NUP210L: variants seen among roughly 807,000 people sequenced by gnomAD.
NUP210L encodes the protein nucleoporin 210 like.
A neutral mutation model predicts 208.5 loss-of-function variants in NUP210L; 74 were observed. That is an observed-to-expected ratio of 0.35 (90% CI 0.29 to 0.43). NUP210L has a LOEUF of 0.43. NUP210L is among the 20% of genes least tolerant of loss of function. The probability of loss-of-function intolerance (pLI) is 1.00; values close to 1 mark genes in which losing one functional copy is unlikely to be tolerated. For synonymous variants in NUP210L, 780 were observed against 816.9 expected (o/e 0.95, Z 0.77); for missense variants, 1,843 against 2,289.4 (o/e 0.81, Z 3.98).
intron 7 of NUP210L, among the ~76,000 whole-genome samples, chr1:154,133,588 C>T (rs1268794031): frequency 1.3e-5 from 2 of 151,718 alleles, no homozygotes; most frequent in African/African-American, 4.8e-5. Flanking sequence ...GCCTGGAATC[C>T]TAGCACTTTG....
chr1:154,127,220 G>A, intron 9 of NUP210L, 91 bp downstream of exon 9: 1 of 491,254 alleles, frequency 2.0e-6, no homozygotes, highest in Non-Finnish European at 3.6e-6. Context: ...AAGAAAGAAA[G>A]AGGGCTTTCT....
At chr1:153,997,140 T>C (rs909186751) in intron 37 of NUP210L, among the ~76,000 whole-genome samples, 2 of 151,912 alleles carry the variant, frequency 1.3e-5, no homozygotes, top group African/African-American at 4.8e-5. Context: ...ATTTTTGTAT[T>C]TTTAGTAGAG....
intron 25 of NUP210L, among the ~76,000 whole-genome samples, chr1:154,049,856 C>T (rs1653389163): frequency 6.6e-6 from 1 of 152,122 alleles, no homozygotes; most frequent in Non-Finnish European, 1.5e-5. Context: ...TTTGCATTTA[C>T]AATTCCTGCA....
intron 7 of NUP210L, among the ~76,000 whole-genome samples, chr1:154,131,184 A>G (rs1273788326): frequency 6.6e-6 from 1 of 151,410 alleles, no homozygotes; most frequent in Non-Finnish European, 1.5e-5. Flanking sequence ...AGGCAGGAGA[A>G]TGGCGTGAAC....
intron 7 of NUP210L, among the ~76,000 whole-genome samples, chr1:154,134,053 G>A (rs976126861): frequency 4.0e-5 from 6 of 151,516 alleles, no homozygotes; most frequent in Non-Finnish European, 7.4e-5. Flanking sequence ...AGGAGGCCGA[G>A]GCAGGAGAAT....
At chr1:154,000,822 C>T (rs1159970892) in intron 37 of NUP210L, 34 bp downstream of exon 37, 4 of 1,571,066 alleles carry the variant, frequency 2.5e-6, no homozygotes, top group South Asian at 2.2e-5. Flanking sequence ...TTCTTTTCCT[C>T]TCTAGATTAT....
At position 154,126,566 on chromosome 1, in the gene NUP210L, A is replaced by G. The variant is rs1377935865; in HGVS notation, c.1186-103T>C. On this transcript the variant is annotated intron_variant, in intron 9 of 39. Coordinates refer to ENST00000368559, the Ensembl canonical transcript of NUP210L. ...TAAAACTGTAGCTATGCATTCATGG[A>G]ATAAAGAGATAAAAACAAAACTTTT... The G allele has an allele frequency of 6.0e-6, 6 of 995,620 alleles. No individual in the cohort carries two copies. The African/African-American group carries it at 8.2e-5, about 14-fold the overall frequency. The allele number at this position is 995,620 out of a possible 1,614,324, so 61.7% of individuals were successfully genotyped here. A position where few individuals can be genotyped will look rare whatever the true frequency, so the allele number is the denominator to read the frequency against.
intron 37 of NUP210L, among the ~76,000 whole-genome samples, chr1:153,999,029 C>T (rs975521429): frequency 7.9e-5 from 12 of 152,140 alleles, no homozygotes; most frequent in Non-Finnish European, 1.5e-4. Flanking sequence ...GTTTCCTCAG[C>T]TCTTGGGGAA....
chr1:154,036,161 T>G (rs1228307467), intron 27 of NUP210L, among the ~76,000 whole-genome samples: 1 of 152,074 alleles, frequency 6.6e-6, no homozygotes, highest in Non-Finnish European at 1.5e-5. Flanking sequence ...AGGAGCATAT[T>G]GTTTAATTAC....
intron 12 of NUP210L, among the ~76,000 whole-genome samples, chr1:154,109,697 T>C (rs1253833281): frequency 6.6e-6 from 1 of 151,524 alleles, no homozygotes; most frequent in Non-Finnish European, 1.5e-5. Context: ...CTATGTCAAA[T>C]ATCCTCTCTG....
intron 35 of NUP210L, among the ~76,000 whole-genome samples, chr1:154,003,737 T>A (rs1400336203): frequency 6.6e-6 from 1 of 152,070 alleles, no homozygotes; most frequent in Admixed American, 6.6e-5. Context: ...ATCCTCCCAC[T>A]TCAGCCTCCT....
intron 12 of NUP210L, among the ~76,000 whole-genome samples, chr1:154,108,478 A>G (rs1396490745): frequency 1.3e-5 from 2 of 151,892 alleles, no homozygotes; most frequent in Middle Eastern, 3.2e-3. Context: ...TAGAGTTTTG[A>G]TTAGTTTTCT....
intron 35 of NUP210L, among the ~76,000 whole-genome samples, chr1:154,005,987 G>T (rs1265048102): frequency 6.6e-6 from 1 of 152,026 alleles, no homozygotes; most frequent in African/African-American, 2.4e-5. Flanking sequence ...CTCCCAAAGT[G>T]CTGGGATTAC....
intron 14 of NUP210L, 105 bp downstream of exon 14, chr1:154,099,893 T>C (rs1656374984): frequency 2.6e-6 from 3 of 1,139,634 alleles, no homozygotes; most frequent in Admixed American, 2.0e-5. Flanking sequence ...AGAACATAAA[T>C]GTCATTGATC....
chr1:154,071,022 T>C (rs1468318173), intron 16 of NUP210L, among the ~76,000 whole-genome samples: 1 of 152,078 alleles, frequency 6.6e-6, no homozygotes, highest in Admixed American at 6.6e-5. Context: ...ACATTTGCCC[T>C]TTTTTGTTAT....
At chr1:154,121,476 A>G (rs1657612980) in intron 10 of NUP210L, among the ~76,000 whole-genome samples, 1 of 152,158 alleles carries the variant, frequency 6.6e-6, no homozygotes, top group Admixed American at 6.6e-5. Flanking sequence ...TTGTCTTAGG[A>G]TTGGTCTGAA....
chr1:154,065,720 C>A (rs1056304307), intron 17 of NUP210L, among the ~76,000 whole-genome samples: 1 of 151,780 alleles, frequency 6.6e-6, no homozygotes, highest in South Asian at 2.1e-4. Context: ...TGGTGAAACT[C>A]GGTCTCTACT....
chr1:154,000,811 C>T (rs1189028520), intron 37 of NUP210L, 45 bp downstream of exon 37: 1 of 1,545,904 alleles, frequency 6.5e-7, no homozygotes, highest in South Asian at 1.1e-5. Context: ...TACATTCTTT[C>T]TTCTTTTCCT....
chr1:154,041,165 A>T (rs1033449626), intron 27 of NUP210L, among the ~76,000 whole-genome samples: 5 of 151,060 alleles, frequency 3.3e-5, no homozygotes, highest in Admixed American at 3.3e-4. Context: ...GGGTCTCATT[A>T]TGTTATCCAG....
Sources: gnomAD v4.1 joint callset for allele counts (sites outside exome capture counted in the v4.1 genomes callset) on GRCh38, gnomAD v4.1.1 for gene constraint, MANE v1.5 for transcripts, NCBI Gene and HGNC (gene_info 2026-07-23, HGNC 2026-07-21) for gene names.